The following HYDIN variants were observed in gnomAD, a reference collection of about 807,000 sequenced individuals.
HYDIN encodes the protein axonemal central pair apparatus protein HYDIN.
Under a neutral mutation model 403.9 loss-of-function variants are expected in HYDIN, and 132 were observed. The ratio of observed to expected loss-of-function variants is 0.33; its 90% confidence interval spans 0.28 to 0.38. The LOEUF (loss-of-function observed/expected upper bound fraction) is 0.38, where lower values mean the gene tolerates loss of function less well. HYDIN is among the 10% of genes least tolerant of loss of function. HYDIN has a pLI of 1.00. For synonymous variants in HYDIN, 1,202 were observed against 1,891.7 expected, an observed-to-expected ratio of 0.64 and a Z score of 9.46; for missense variants, 2,827 against 5,009.5, an observed-to-expected ratio of 0.56 and a Z score of 13.15.
chr16:70,878,198 C>A (rs1233307096), intron 62 of HYDIN, among the ~76,000 whole-genome samples: 1 of 151,402 alleles, frequency 6.6e-6, no homozygotes, highest in African/African-American at 2.4e-5. Context: ...AATGGGAGTT[C>A]CCCTGCACAA....
intron 20 of HYDIN, among the ~76,000 whole-genome samples, chr16:71,026,282 T>C (rs372637867): frequency 2.5e-3 from 384 of 152,296 alleles, no homozygotes; most frequent in African/African-American, 8.5e-3. Flanking sequence ...GCCTAGATTT[T>C]TATAAAGCAG....
Position 71,187,862 on chromosome 16 carries a change from G to T in HYDIN, c.-23-944C>A, listed in dbSNP as rs559998585. Among the ~76,000 whole-genome samples the T allele has an allele frequency of 5.3e-5, 8 of 152,206 alleles. No individual in the cohort carries two copies. In the East Asian group the frequency reaches 1.4e-3, roughly 26 times the overall value. On this transcript the variant is annotated intron_variant, in intron 1 of 85. Coordinates refer to ENST00000393567, the MANE Select transcript of HYDIN (RefSeq NM_001270974.2). ...ATTATGGCAGAAAGCCTCTAAGATGGCAATCAATGAAACAGAAGACAGTCA... is the reference window on the plus strand; with the variant it reads ...ATTATGGCAGAAAGCCTCTAAGATGTCAATCAATGAAACAGAAGACAGTCA...
rs954444938 is a variant in HYDIN, at chr16:70,938,849, G to C, written c.6854-94C>G. On this transcript the variant is annotated intron_variant, in intron 43 of 85. Coordinates refer to ENST00000393567, the MANE Select transcript of HYDIN (RefSeq NM_001270974.2). The stretch of plus-strand genomic sequence containing the variant: ...CGGAGTAGGGTCTTAGTGTGGGGCA[G>C]CTGGTACGGCGCCTGGTCTGCCTCA... 1.0e-5 allele frequency: 13 copies of C among 1,265,524 alleles called. No individual in the cohort carries two copies. The African/African-American group carries it at 1.9e-4, about 18-fold the overall frequency. The allele number at this position is 1,265,524 out of a possible 1,614,324, so 78.4% of individuals were successfully genotyped here. A position where few individuals can be genotyped will look rare whatever the true frequency, so the allele number is the denominator to read the frequency against.
In HYDIN at chr16:71,029,853, T is replaced by C. The variant is rs190819012; in HGVS notation, c.2768+1826A>G. On this transcript the variant is annotated intron_variant, in intron 19 of 85. Transcript: ENST00000393567. ...GTCAGTCACATCTCCAAGCACAGCA[T>C]ATATGACTTGATTTCAGGGCCTGTG... 1.0e-3 allele frequency among the ~76,000 whole-genome samples: 158 copies of C among 152,214 alleles called. 1 individual carries two copies. Among genetic ancestry groups the C allele is most frequent in the African/African-American group, 3.7e-3 (152 of 41,526 alleles).
chr16:70,900,640 G>A (rs1168356312), intron 53 of HYDIN, among the ~76,000 whole-genome samples: 51 of 148,882 alleles, frequency 3.4e-4, no homozygotes, highest in Admixed American at 2.5e-3. Flanking sequence ...ATAGGAATCC[G>A]ATAGGTGACT....
At chr16:71,130,167 C>T (rs2084647795) in intron 8 of HYDIN, among the ~76,000 whole-genome samples, 1 of 152,234 alleles carries the variant, frequency 6.6e-6, no homozygotes, top group Admixed American at 6.5e-5. Context: ...AACATCTATT[C>T]TGCCCCTCAC....
chr16:70,867,259 T>C (rs2039817733), intron 66 of HYDIN, among the ~76,000 whole-genome samples: 1 of 148,438 alleles, frequency 6.7e-6, no homozygotes, highest in Admixed American at 6.6e-5. Context: ...ATCAGGACAA[T>C]GCAAAATAGG....
At chr16:71,087,687 AG>A in intron 12 of HYDIN, 1 of 129,520 alleles carries the variant, frequency 7.7e-6, no homozygotes, top group South Asian at 2.8e-4. Flanking sequence ...TGGATCCTTC[AG>A]GTCATATGTC....
At chr16:70,881,103 G>A (rs2040768165) in intron 60 of HYDIN, among the ~76,000 whole-genome samples, 1 of 139,938 alleles carries the variant, frequency 7.1e-6, no homozygotes, top group South Asian at 2.2e-4. Context: ...GTGCGTGCCT[G>A]TAGTCCCAGC....
intron 15 of HYDIN, among the ~76,000 whole-genome samples, chr16:71,066,282 T>C (rs1447540114): frequency 1.3e-5 from 2 of 152,102 alleles, no homozygotes; most frequent in Admixed American, 1.3e-4. Flanking sequence ...AAGGAAAAAA[T>C]AGGTCTTGAA....
intron 8 of HYDIN, among the ~76,000 whole-genome samples, chr16:71,130,841 T>C (rs781635247): frequency 5.3e-5 from 8 of 152,034 alleles, no homozygotes; most frequent in Non-Finnish European, 1.0e-4. Context: ...AGCTGTCAGC[T>C]TACAAAATGC....
chr16:71,048,642 A>G (rs2081529619), intron 18 of HYDIN, among the ~76,000 whole-genome samples: 1 of 151,754 alleles, frequency 6.6e-6, no homozygotes, highest in East Asian at 1.9e-4. Flanking sequence ...AAAACCAAAT[A>G]CCACATGTAA....
At chr16:70,956,026 G>A (rs2078224506) in intron 39 of HYDIN, among the ~76,000 whole-genome samples, 1 of 151,998 alleles carries the variant, frequency 6.6e-6, no homozygotes, top group African/African-American at 2.4e-5. Context: ...CACCATGTTG[G>A]CCAGGCTGGT....
intron 1 of HYDIN, among the ~76,000 whole-genome samples, chr16:71,206,342 G>A (rs937687842): frequency 3.9e-5 from 6 of 152,144 alleles, no homozygotes; most frequent in African/African-American, 1.2e-4. Flanking sequence ...AGACCCAGAA[G>A]ACTAGAATCG....
chr16:70,877,709 G>A (rs1398002411), intron 62 of HYDIN, among the ~76,000 whole-genome samples: 3 of 152,120 alleles, frequency 2.0e-5, no homozygotes, highest in African/African-American at 7.2e-5. Context: ...GGTAATGTGA[G>A]TGATGGGGTG....
At chr16:71,078,813 A>C (rs953704498) in intron 13 of HYDIN, among the ~76,000 whole-genome samples, 1 of 152,174 alleles carries the variant, frequency 6.6e-6, no homozygotes, top group African/African-American at 2.4e-5. Flanking sequence ...GCTGATTCTT[A>C]ATTGATGTTG....
At position 70,806,860 on chromosome 16, in the gene HYDIN, G is replaced by C. The variant is rs1293528900; in HGVS notation, c.*720C>G. ...CTGGGCACGTTCAGAGTGAGAGTTA[G>C]GTGGTCCTGATGTGCAGATGGGTTG... On this transcript the variant is annotated 3_prime_UTR_variant, in exon 86 of 86. Transcript: ENST00000393567. 6.6e-6 allele frequency among the ~76,000 whole-genome samples: 1 copy of C among 152,184 alleles called. No homozygotes were observed. The highest frequency in any genetic ancestry group is 2.4e-5 in the African/African-American group (1 of 41,432).
chr16:70,992,990 C>G (rs1223740301), intron 23 of HYDIN, among the ~76,000 whole-genome samples: 1 of 152,282 alleles, frequency 6.6e-6, no homozygotes, highest in Admixed American at 6.5e-5. Flanking sequence ...ATCTCAAGCC[C>G]TTGATGTTAA....
rs1421292946 is a variant in HYDIN at position 71,217,649 on chromosome 16, A to T, written c.-24+12913T>A. ...CATAATTAGCCAGCTGCACCCTCATAATAAGGTGCAGATGGTTAATTGCAC... is the reference window on the plus strand; with the variant it reads ...CATAATTAGCCAGCTGCACCCTCATTATAAGGTGCAGATGGTTAATTGCAC... On this transcript the variant is annotated intron_variant, in intron 1 of 85. Coordinates refer to ENST00000393567, the MANE Select transcript of HYDIN (RefSeq NM_001270974.2). Among the ~76,000 whole-genome samples, 4 of 152,310 alleles carry T rather than the reference A, an allele frequency of 2.6e-5. No individual in the cohort carries two copies. In the East Asian group the frequency reaches 7.7e-4, roughly 29 times the overall value.
Sources: gnomAD v4.1 joint callset for allele counts (sites outside exome capture counted in the v4.1 genomes callset) on GRCh38, gnomAD v4.1.1 for gene constraint, MANE v1.5 for transcripts, NCBI Gene and HGNC (gene_info 2026-07-23, HGNC 2026-07-21) for gene names.